The following EPAS1 variants were observed in gnomAD, a reference collection of about 807,000 sequenced individuals.
The protein encoded by EPAS1 is endothelial PAS domain protein 1, also known as endothelial PAS domain-containing protein 1.
EPAS1 carries 23 observed loss-of-function variants against 87.9 expected under a neutral mutation model. That is an observed-to-expected ratio of 0.26 (90% confidence interval 0.19 to 0.37). The LOEUF (loss-of-function observed/expected upper bound fraction) is 0.37, where lower values mean the gene tolerates loss of function less well. EPAS1 is among the 10% of genes least tolerant of loss of function. The pLI, the probability that EPAS1 is intolerant of heterozygous loss-of-function variation, is 1.00. For synonymous variants in EPAS1, 508 were observed against 444.3 expected, an observed-to-expected ratio of 1.14 and a Z score of -1.80; for missense variants, 1,138 against 1,120.7, an observed-to-expected ratio of 1.02 and a Z score of -0.22.
chr2:46,384,647 ACCAGGCCACCTGAG>A lies in EPAS1; in HGVS notation c.2608_*8del. 3.1e-6 allele frequency: 5 copies of A among 1,613,772 alleles called. No homozygotes were observed. The South Asian group carries it at 5.5e-5, about 18-fold the overall frequency. Reference sequence around the variant, plus strand: ...GGAGGGGACCTCCTCAGAGCCCTGGACCAGGCCACCTGAGCCAGGCCTTCTACCTGGGCAGCACC... The same window carrying A: ...GGAGGGGACCTCCTCAGAGCCCTGGACCAGGCCTTCTACCTGGGCAGCACC... On this transcript the variant is annotated stop_lost and 3_prime_UTR_variant, in exon 16 of 16. Transcript: ENST00000263734.
At chr2:46,331,069 T>G (rs4953346) in intron 1 of EPAS1, among the ~76,000 whole-genome samples, 62,278 of 152,086 alleles carry the variant, frequency 0.41, 14,099 homozygotes, top group East Asian at 0.67. Context: ...CATGTATATA[T>G]TATTTATTCC....
intron 6 of EPAS1, among the ~76,000 whole-genome samples, chr2:46,363,007 G>T (rs992187282): frequency 1.3e-5 from 2 of 149,500 alleles, no homozygotes; most frequent in African/African-American, 5.0e-5. Context: ...TGGTGGTGGT[G>T]GTGGTGGTGG....
intron 1 of EPAS1, among the ~76,000 whole-genome samples, chr2:46,342,948 G>A (rs1023954745): frequency 6.6e-6 from 1 of 152,116 alleles, no homozygotes; most frequent in Non-Finnish European, 1.5e-5. Context: ...CCACCTCGGG[G>A]AGAGTAACTA....
chr2:46,380,828 C>A lies in EPAS1; in HGVS notation c.2045+111C>A. On this transcript the variant is annotated intron_variant, in intron 12 of 15. Transcript: ENST00000263734. The surrounding 1 kb of genome is among the most constrained non-coding windows in gnomAD (Gnocchi z 4.4). ...TGCCCCTCTCCCCAGCCATCTGATA[C>A]CCCATTTAGCCCTTCTCTGAGCTCA... The A allele has an allele frequency of 6.5e-7, 1 of 1,543,046 alleles. No individual in the cohort carries two copies. Among genetic ancestry groups the A allele is most frequent in the Non-Finnish European group, 8.8e-7 (1 of 1,133,808 alleles).
At chr2:46,345,582 T>C (rs1558595985) in intron 1 of EPAS1, among the ~76,000 whole-genome samples, 1 of 151,446 alleles carries the variant, frequency 6.6e-6, no homozygotes, top group Admixed American at 6.6e-5. Context: ...GTAAATTAGG[T>C]ATAATAATAA....
At chr2:46,369,743 C>A in intron 6 of EPAS1, 84 bp from the exon 7 acceptor site, 1 of 933,636 alleles carries the variant, frequency 1.1e-6, no homozygotes. Flanking sequence ...GTTTGATTTG[C>A]CTTCTGGGGT....
In EPAS1 at chr2:46,297,860, C is replaced by T; in HGVS notation, c.-52C>T. ...GACGAGGGCCACAGCCCCCCACCCG[C>T]CAGGGAGCCCAGGTGCTCGGCGTCT... On this transcript the variant is annotated 5_prime_UTR_variant, in exon 1 of 16. Coordinates refer to ENST00000263734, the MANE Select transcript of EPAS1 (RefSeq NM_001430.5). 1.3e-6 allele frequency: 2 copies of T among 1,595,308 alleles called. No homozygotes were observed. The highest frequency in any genetic ancestry group is 1.7e-6 in the Non-Finnish European group (2 of 1,171,406).
At chr2:46,308,464 G>C (rs372418768) in intron 1 of EPAS1, among the ~76,000 whole-genome samples, 1 of 142,890 alleles carries the variant, frequency 7.0e-6, no homozygotes, top group African/African-American at 2.6e-5. Context: ...TTTTTTTGGG[G>C]GGGGGGGCTC....
chr2:46,362,971 GGTGGTA>G (rs879537507), intron 6 of EPAS1, among the ~76,000 whole-genome samples: 9,332 of 86,592 alleles, frequency 0.11, 560 homozygotes, highest in East Asian at 0.33. Flanking sequence ...TGGTGGTGGT[GGTGGTA>G]GTGGTGGTGG....
In EPAS1 at chr2:46,384,662, C is replaced by G; in HGVS notation, c.*2C>G. On this transcript the variant is annotated 3_prime_UTR_variant, in exon 16 of 16. Coordinates refer to ENST00000263734, the MANE Select transcript of EPAS1 (RefSeq NM_001430.5). ...AGAGCCCTGGACCAGGCCACCTGAGCCAGGCCTTCTACCTGGGCAGCACCT... is the reference window on the plus strand; with the variant it reads ...AGAGCCCTGGACCAGGCCACCTGAGGCAGGCCTTCTACCTGGGCAGCACCT... 2 of 1,613,478 alleles carry G rather than the reference C, an allele frequency of 1.2e-6. No individual in the cohort carries two copies. The highest frequency in any genetic ancestry group is 1.7e-6 in the Non-Finnish European group (2 of 1,179,940).
chr2:46,354,618 C>T (rs757666218), intron 2 of EPAS1, among the ~76,000 whole-genome samples: 6 of 151,318 alleles, frequency 4.0e-5, no homozygotes, highest in Non-Finnish European at 8.8e-5. Context: ...CTAGGCTGCA[C>T]CCAGCAACCA....
chr2:46,341,252 T>C (rs1301922315), intron 1 of EPAS1, among the ~76,000 whole-genome samples: 1 of 152,220 alleles, frequency 6.6e-6, no homozygotes, highest in Admixed American at 6.5e-5. Flanking sequence ...GCACATTTTA[T>C]CCTATCAAAC....
At chr2:46,359,257 C>CAAAAAAAAAAAAAAAA (rs57351888) in intron 4 of EPAS1, among the ~76,000 whole-genome samples, 368 of 25,076 alleles carry the variant, frequency 0.015, 50 homozygotes, top group East Asian at 0.06. Flanking sequence ...GATTCTGTCT[C>CAAAAAAAAAAAAAAAA]AAAAAAAAAA....
At chr2:46,348,371 G>T (rs772264200) in intron 2 of EPAS1, among the ~76,000 whole-genome samples, 6 of 152,188 alleles carry the variant, frequency 3.9e-5, no homozygotes, top group Non-Finnish European at 8.8e-5. Context: ...CTGGATATAA[G>T]AAAGGCTGGG....
At chr2:46,326,916 G>A (rs1374794423) in intron 1 of EPAS1, among the ~76,000 whole-genome samples, 4 of 152,184 alleles carry the variant, frequency 2.6e-5, no homozygotes, top group Admixed American at 6.5e-5. Flanking sequence ...GTTCCAGTCC[G>A]AGATTTACCA....
rs1414708254 is a variant in EPAS1 at position 46,376,657 on chromosome 2, A to AAC, written c.1154_1155insCA (p.Lys385AsnfsTer10). 6.2e-7 allele frequency: 1 copy of AAC among 1,614,114 alleles called. No individual in the cohort carries two copies. The highest frequency in any genetic ancestry group is 2.2e-5 in the East Asian group (1 of 44,884). ...CAGTGGCAAGGGGGCTGTGTCTGAGAAGAGTAACTTCCTATTCACCAAGCT... is the reference window on the plus strand; with the variant it reads ...CAGTGGCAAGGGGGCTGTGTCTGAGAACAGAGTAACTTCCTATTCACCAAGCT... On this transcript the variant is annotated frameshift_variant, in exon 9 of 16. Coordinates refer to ENST00000263734, the MANE Select transcript of EPAS1 (RefSeq NM_001430.5). LOFTEE classifies it high-confidence loss of function.
rs771700438 is a variant in EPAS1, at chr2:46,297,890, G to C, written c.-22G>C. 2.4e-5 allele frequency: 38 copies of C among 1,610,202 alleles called. No individual in the cohort carries two copies. The highest frequency in any genetic ancestry group is 3.1e-5 in the Non-Finnish European group (36 of 1,178,138). ...GAGCCCAGGTGCTCGGCGTCTGAACGTCTCAAAGGGCCACAGCGACAATGA... is the reference window on the plus strand; with the variant it reads ...GAGCCCAGGTGCTCGGCGTCTGAACCTCTCAAAGGGCCACAGCGACAATGA... On this transcript the variant is annotated 5_prime_UTR_variant, in exon 1 of 16. Coordinates refer to ENST00000263734, the MANE Select transcript of EPAS1 (RefSeq NM_001430.5).
intron 6 of EPAS1, 75 bp from the exon 7 acceptor site, chr2:46,369,752 G>A: frequency 9.5e-7 from 1 of 1,057,752 alleles, no homozygotes. Flanking sequence ...GCCTTCTGGG[G>A]TTAGCTCCTG....
chr2:46,360,192 G>A lies in EPAS1; in HGVS notation c.455-446G>A, dbSNP rs957619703. Among the ~76,000 whole-genome samples, 22 of 152,164 alleles carry A rather than the reference G, an allele frequency of 1.4e-4. No individual in the cohort carries two copies. Among genetic ancestry groups the A allele is most frequent in the Admixed American group, 5.9e-4 (9 of 15,276 alleles). On this transcript the variant is annotated intron_variant, in intron 4 of 15. Coordinates refer to ENST00000263734, the MANE Select transcript of EPAS1 (RefSeq NM_001430.5). The surrounding 1 kb of genome is among the most constrained non-coding windows in gnomAD (Gnocchi z 4.5). ...GTTATAAAGGAAAGACGGGAGTGTC[G>A]GAGAGACATTTCTAACCTGTGAGGA...
Sources: allele counts gnomAD v4.1 joint callset (sites outside exome capture counted in the v4.1 genomes callset), GRCh38; gene constraint gnomAD v4.1.1; non-coding constraint Gnocchi (gnomAD v3.1); transcripts MANE v1.5; gene names NCBI Gene and HGNC (gene_info 2026-07-23, HGNC 2026-07-21).